The following GRID2 variants were observed in gnomAD, a reference collection of about 807,000 sequenced individuals.
The protein encoded by GRID2 is glutamate ionotropic receptor delta type subunit 2, also known as glutamate receptor ionotropic, delta-2.
Under a neutral mutation model 114.8 loss-of-function variants are expected in GRID2, and 33 were observed. That is an observed-to-expected ratio of 0.29 (90% confidence interval 0.22 to 0.38). GRID2 has a LOEUF of 0.38. GRID2 is among the 10% of genes least tolerant of loss of function. GRID2 has a pLI of 1.00. For synonymous variants in GRID2, 505 were observed against 449.9 expected (o/e 1.12, Z -1.55); for missense variants, 1,184 against 1,257.7 (o/e 0.94, Z 0.89).
intron 2 of GRID2, among the ~76,000 whole-genome samples, chr4:92,974,764 C>T: frequency 6.6e-6 from 1 of 151,974 alleles, no homozygotes; most frequent in South Asian, 2.1e-4. Flanking sequence ...CAGCAAACCA[C>T]CAGGGCACGT....
intron 14 of GRID2, among the ~76,000 whole-genome samples, chr4:93,686,169 A>G (rs1057038450): frequency 1.3e-5 from 2 of 151,970 alleles, no homozygotes; most frequent in Admixed American, 1.3e-4. Flanking sequence ...AGTTCACCGA[A>G]TTCATCTTAT....
chr4:93,185,753 T>A (rs933346499), intron 4 of GRID2, among the ~76,000 whole-genome samples: 1 of 152,236 alleles, frequency 6.6e-6, no homozygotes, highest in Non-Finnish European at 1.5e-5. Context: ...CACACCAATT[T>A]TTTTATATTA....
intron 5 of GRID2, among the ~76,000 whole-genome samples, chr4:93,215,920 C>T (rs1744157735): frequency 6.6e-6 from 1 of 151,990 alleles, no homozygotes; most frequent in African/African-American, 2.4e-5. Context: ...ATTACAAAGA[C>T]TTCATTCGTT....
In GRID2 at chr4:93,626,288, CT is replaced by C; in HGVS notation, c.2216del (p.Phe739SerfsTer62). The C allele has an allele frequency of 6.3e-7, 1 of 1,590,442 alleles. No homozygotes were observed. The highest frequency in any genetic ancestry group is 8.6e-7 in the Non-Finnish European group (1 of 1,165,336). On this transcript the variant is annotated frameshift_variant, in exon 14 of 16. Transcript: ENST00000282020. LOFTEE classifies it high-confidence loss of function. ...TCACAGGTAAAATATGGAAATTATG[CT>C]TTCGTATGGGATGCAGCTGTATTGG... ...GIQKVKYGNY[A>X]FVWDAAVLEY... is the part of the protein sequence containing the mutation.
intron 3 of GRID2, among the ~76,000 whole-genome samples, chr4:93,095,839 TTAA>T (rs1465358013): frequency 6.6e-6 from 1 of 152,084 alleles, no homozygotes; most frequent in Non-Finnish European, 1.5e-5. Flanking sequence ...ATTTATAGAT[TTAA>T]TAATCAAAAA....
chr4:93,748,100 T>C (rs1732005643), intron 14 of GRID2, among the ~76,000 whole-genome samples: 1 of 152,144 alleles, frequency 6.6e-6, no homozygotes, highest in Admixed American at 6.6e-5. Flanking sequence ...ACCCAAAGCA[T>C]AGTTTATATA....
intron 2 of GRID2, among the ~76,000 whole-genome samples, chr4:92,688,037 C>CCTTTTTTTTTTTTTTTTTTTTT (rs1553916864): frequency 0.011 from 492 of 44,656 alleles, 61 homozygotes; most frequent in Admixed American, 0.014. Context: ...CCTTCTTCTT[C>CCTTTTTTTTTTTTTTTTTTTTT]TTTTTTTTTT....
chr4:93,381,962 T>A (rs1043835322), intron 8 of GRID2, among the ~76,000 whole-genome samples: 15 of 152,214 alleles, frequency 9.9e-5, no homozygotes, highest in African/African-American at 3.6e-4. Context: ...TCTCAACTTT[T>A]GTATACCTAG....
intron 2 of GRID2, among the ~76,000 whole-genome samples, chr4:92,610,924 G>GAT: frequency 6.6e-6 from 1 of 151,624 alleles, no homozygotes; most frequent in Admixed American, 6.6e-5. Flanking sequence ...CTATTATAGG[G>GAT]ATATATCATT....
chr4:92,527,131 A>C (rs1447830979), intron 1 of GRID2, among the ~76,000 whole-genome samples: 1 of 152,212 alleles, frequency 6.6e-6, no homozygotes, highest in South Asian at 2.1e-4. Flanking sequence ...ATAGTGGCAT[A>C]ACTGTTGTGT....
At chr4:92,982,464 A>G (rs752774109) in intron 2 of GRID2, among the ~76,000 whole-genome samples, 20 of 152,124 alleles carry the variant, frequency 1.3e-4, no homozygotes, top group Non-Finnish European at 2.6e-4. Flanking sequence ...TGAATAACCT[A>G]CATAAGTTCT....
intron 1 of GRID2, among the ~76,000 whole-genome samples, chr4:92,319,442 G>C (rs556350315): frequency 1.7e-4 from 26 of 152,310 alleles, no homozygotes; most frequent in African/African-American, 6.3e-4. Context: ...ATGAGAGGAA[G>C]AAAAGTTTCC....
At chr4:92,650,496 G>T (rs543824023) in intron 2 of GRID2, among the ~76,000 whole-genome samples, 5 of 152,164 alleles carry the variant, frequency 3.3e-5, no homozygotes, top group Admixed American at 2.6e-4. Context: ...TCTACATTGA[G>T]AAATATTAGT....
chr4:92,903,149 T>A (rs755700181), intron 2 of GRID2, among the ~76,000 whole-genome samples: 2 of 151,862 alleles, frequency 1.3e-5, no homozygotes, highest in Non-Finnish European at 2.9e-5. Context: ...TTAGTCAGTG[T>A]GGTCATTTTA....
At chr4:93,119,647 G>T (rs1449213312) in intron 4 of GRID2, among the ~76,000 whole-genome samples, 1 of 152,066 alleles carries the variant, frequency 6.6e-6, no homozygotes, top group African/African-American at 2.4e-5. Context: ...CATACTTTAT[G>T]AAATAGTTTT....
At chr4:92,682,235 G>A (rs902981294) in intron 2 of GRID2, among the ~76,000 whole-genome samples, 1 of 152,014 alleles carries the variant, frequency 6.6e-6, no homozygotes, top group Admixed American at 6.6e-5. Context: ...ATCTTGTTTA[G>A]CCAGGTCTAA....
At chr4:93,326,383 G>A (rs1757839337) in intron 8 of GRID2, among the ~76,000 whole-genome samples, 1 of 152,078 alleles carries the variant, frequency 6.6e-6, no homozygotes, top group Non-Finnish European at 1.5e-5. Context: ...AATATTCCTG[G>A]TGCTTGTGTG....
At position 92,329,247 on chromosome 4, in the gene GRID2, G is replaced by T. The variant is rs113778409; in HGVS notation, c.88+24503G>T. 3.0e-3 allele frequency among the ~76,000 whole-genome samples: 451 copies of T among 152,014 alleles called. 8 individuals are homozygous for T. The highest frequency in any genetic ancestry group is 0.01 in the African/African-American group (432 of 41,486). Reference sequence around the variant, plus strand: ...TTTTTTCTGAGGTTCTGATCCTCTAGGAAGCTGATAGTACAGAACTGTGCT... The same window carrying T: ...TTTTTTCTGAGGTTCTGATCCTCTATGAAGCTGATAGTACAGAACTGTGCT... On this transcript the variant is annotated intron_variant, in intron 1 of 15. Coordinates refer to ENST00000282020, the MANE Select transcript of GRID2 (RefSeq NM_001510.4).
intron 6 of GRID2, among the ~76,000 whole-genome samples, chr4:93,224,218 CA>C (rs1745218417): frequency 6.6e-6 from 1 of 152,032 alleles, no homozygotes; most frequent in South Asian, 2.1e-4. Flanking sequence ...AACTAGAATG[CA>C]AAAACTTAAC....
Sources: allele counts gnomAD v4.1 joint callset (sites outside exome capture counted in the v4.1 genomes callset), GRCh38; gene constraint gnomAD v4.1.1; transcripts MANE v1.5; gene names NCBI Gene and HGNC (gene_info 2026-07-23, HGNC 2026-07-21).